Variants in CSTPP1 observed in about 807,000 individuals in gnomAD.
CSTPP1 encodes centriolar satellite-associated tubulin polyglutamylase complex regulator 1.
the CSTPP1 span, among the ~76,000 whole-genome samples, chr11:47,078,820 A>C: frequency 7.2e-5 from 11 of 152,288 alleles, no homozygotes; most frequent in South Asian, 2.3e-3. Flanking sequence ...AGAATGGAAA[A>C]TATCTGAAGG....
chr11:47,007,483 T>G, the CSTPP1 span, among the ~76,000 whole-genome samples: 1 of 152,182 alleles, frequency 6.6e-6, no homozygotes, highest in Admixed American at 6.6e-5. Flanking sequence ...TCAAGTATTT[T>G]TATTCAGTTT....
At chr11:47,078,488 T>C in the CSTPP1 span, among the ~76,000 whole-genome samples, 3 of 152,158 alleles carry the variant, frequency 2.0e-5, no homozygotes, top group African/African-American at 4.8e-5. Context: ...CATGTGTGCA[T>C]AGACAGCAAG....
the CSTPP1 span, among the ~76,000 whole-genome samples, chr11:47,036,269 AT>A: frequency 1.3e-5 from 1 of 74,078 alleles, no homozygotes; most frequent in Non-Finnish European, 2.9e-5. Context: ...TATAATATAT[AT>A]ATTATATATT....
At chr11:47,095,806 G>A in the CSTPP1 span, among the ~76,000 whole-genome samples, 68 of 152,280 alleles carry the variant, frequency 4.5e-4, no homozygotes, top group African/African-American at 1.6e-3. Context: ...AAATAACACT[G>A]TAGAAGAGCA....
chr11:46,970,824 T>C, the CSTPP1 span, among the ~76,000 whole-genome samples: 1 of 152,196 alleles, frequency 6.6e-6, no homozygotes, highest in Non-Finnish European at 1.5e-5. Context: ...AGTTTGTTCA[T>C]GTGCAACATT....
chr11:47,084,854 A>G, the CSTPP1 span, among the ~76,000 whole-genome samples: 1 of 152,094 alleles, frequency 6.6e-6, no homozygotes, highest in Non-Finnish European at 1.5e-5. Flanking sequence ...AAACTGGTTC[A>G]TTTCTACAAA....
the CSTPP1 span, among the ~76,000 whole-genome samples, chr11:47,111,214 A>G: frequency 1.3e-5 from 2 of 152,186 alleles, no homozygotes; most frequent in South Asian, 4.2e-4. Flanking sequence ...CACCCAAACG[A>G]GAATTATTAG....
the CSTPP1 span, chr11:47,160,927 A>G: frequency 3.1e-6 from 2 of 638,966 alleles, no homozygotes; most frequent in Non-Finnish European, 5.3e-6. Flanking sequence ...AGGCAGTGGG[A>G]TTCAATAAAT....
chr11:47,134,169 G>A, the CSTPP1 span, among the ~76,000 whole-genome samples: 1 of 152,114 alleles, frequency 6.6e-6, no homozygotes, highest in African/African-American at 2.4e-5. Context: ...AGTATGCTGT[G>A]AAGGCTAAGT....
chr11:47,119,739 G>C, the CSTPP1 span, among the ~76,000 whole-genome samples: 4 of 150,570 alleles, frequency 2.7e-5, no homozygotes, highest in African/African-American at 9.8e-5. Context: ...AGCCTCCCGA[G>C]TAGCTGGGAT....
At chr11:46,961,185 G>A in the CSTPP1 span, among the ~76,000 whole-genome samples, 1 of 152,138 alleles carries the variant, frequency 6.6e-6, no homozygotes, top group African/African-American at 2.4e-5. Flanking sequence ...TTACCCACCA[G>A]CAGTATATGA....
At chr11:47,081,857 G>A in the CSTPP1 span, among the ~76,000 whole-genome samples, 1 of 151,830 alleles carries the variant, frequency 6.6e-6, no homozygotes, top group African/African-American at 2.4e-5. Context: ...TTGGGAGGCC[G>A]AGGTGGGAGG....
chr11:46,954,531 A>C, the CSTPP1 span, among the ~76,000 whole-genome samples: 1 of 152,222 alleles, frequency 6.6e-6, no homozygotes, highest in Non-Finnish European at 1.5e-5. Flanking sequence ...CCTGGGCGAC[A>C]CAGTGAGACT....
chr11:47,152,511 G>GA, the CSTPP1 span, among the ~76,000 whole-genome samples: 1 of 151,996 alleles, frequency 6.6e-6, no homozygotes, highest in East Asian at 1.9e-4. Context: ...CAGCATTAAG[G>GA]CTTCCGCGAG....
At chr11:47,017,098 G>A in the CSTPP1 span, among the ~76,000 whole-genome samples, 2 of 149,156 alleles carry the variant, frequency 1.3e-5, no homozygotes, top group South Asian at 2.1e-4. Flanking sequence ...TGATCTGCCC[G>A]CCTCAGCCTC....
At chr11:46,943,057 A>G in the CSTPP1 span, among the ~76,000 whole-genome samples, 3 of 152,126 alleles carry the variant, frequency 2.0e-5, no homozygotes, top group Non-Finnish European at 1.5e-5. Flanking sequence ...ACCTTCTATC[A>G]TTGTCTACCT....
chr11:46,956,638 C>T, the CSTPP1 span, among the ~76,000 whole-genome samples: 56 of 152,128 alleles, frequency 3.7e-4, no homozygotes, highest in African/African-American at 1.3e-3. Context: ...CCCCCTTTTT[C>T]GAGGAGGCCA....
the CSTPP1 span, among the ~76,000 whole-genome samples, chr11:46,984,163 A>G: frequency 6.6e-6 from 1 of 152,324 alleles, no homozygotes; most frequent in East Asian, 1.9e-4. Context: ...TAAAATAAAG[A>G]TAATTTTTAC....
the CSTPP1 span, among the ~76,000 whole-genome samples, chr11:47,009,070 C>G: frequency 6.6e-6 from 1 of 151,620 alleles, no homozygotes; most frequent in African/African-American, 2.4e-5. Flanking sequence ...GTGTGTGGAT[C>G]TCTTGAATTT....
Sources: allele counts gnomAD v4.1 joint callset (sites outside exome capture counted in the v4.1 genomes callset), GRCh38; gene constraint gnomAD v4.1.1; transcripts MANE v1.5; gene names NCBI Gene and HGNC (gene_info 2026-07-23, HGNC 2026-07-21).